The following PIAS2 variants were observed in gnomAD, a reference collection of about 807,000 sequenced individuals.
PIAS2 encodes protein inhibitor of activated STAT 2.
In PIAS2, 19 loss-of-function variants were observed where a neutral mutation model predicts 69.7. The observed-to-expected ratio is 0.27, with a 90% CI of 0.19 to 0.40. The LOEUF is 0.40. PIAS2 is among the 10% of genes least tolerant of loss of function. The pLI, the probability that PIAS2 is intolerant of heterozygous loss-of-function variation, is 1.00. For missense variants in PIAS2, 624 were observed against 757.0 expected (o/e 0.82, Z 2.06); for synonymous variants, 261 against 263.2 (o/e 0.99, Z 0.08).
rs1450323656 is a variant in PIAS2, at chr18:46,890,767, C to G, written c.312G>C (p.Leu104Phe). 1 of 1,614,000 alleles carries G rather than the reference C, an allele frequency of 6.2e-7. No homozygotes were observed. Among genetic ancestry groups the G allele is most frequent in the African/African-American group, 1.3e-5 (1 of 74,896 alleles). The change falls in exon 2 of 14, where the codon TTG (leucine) becomes TTC (phenylalanine). Residue 104 changes from leucine (L) to phenylalanine (F), a missense_variant. This residue lies in a region of PIAS2 where 339 missense variants were observed against 408.8 expected (regional missense o/e 0.83). Transcript: ENST00000585916. ...AGTGAGGTGTAACTGAAGTGGAAGG[C>G]AACGAGTGGATTCCAGCCACGGCCA... ...PDLAVAGIHSLPSTSVTPHSP... is the reference protein window; with the variant it reads ...PDLAVAGIHSFPSTSVTPHSP...
rs1234081631 is a variant in PIAS2 at position 46,821,049 on chromosome 18, GAAGATGGCT to G, written c.1523_1531del (p.Gln508_Ser511delinsPro). ...CGAAGTCACACTGGGCACCCTTACA[GAAGATGGCT>G]GATACATGAGAACCCTGTTTTAAAT... On this transcript the variant is annotated inframe_deletion, in exon 12 of 14. Transcript: ENST00000585916. 6.2e-7 allele frequency: 1 copy of G among 1,613,270 alleles called. No individual in the cohort carries two copies. The highest frequency in any genetic ancestry group is 8.5e-7 in the Non-Finnish European group (1 of 1,179,576).
chr18:46,919,744 T>G (rs1489311269), upstream of PIAS2, among the ~76,000 whole-genome samples: 6 of 152,212 alleles, frequency 3.9e-5, no homozygotes, highest in African/African-American at 1.4e-4. Context: ...TAGTTGGCCT[T>G]GTATTTGTTT....
intron 3 of PIAS2, among the ~76,000 whole-genome samples, chr18:46,856,012 T>C (rs867860516): frequency 0.025 from 3,445 of 135,490 alleles, 107 homozygotes; most frequent in African/African-American, 0.088. Context: ...TTTTTTTTTT[T>C]TTTTTTTTTT....
intron 2 of PIAS2, among the ~76,000 whole-genome samples, chr18:46,885,745 A>G (rs925904784): frequency 1.3e-5 from 2 of 152,154 alleles, no homozygotes; most frequent in African/African-American, 4.8e-5. Flanking sequence ...TCAAGGGTAG[A>G]AAGTGTATAA....
chr18:46,916,198 T>C (rs773665438), intron 1 of PIAS2, among the ~76,000 whole-genome samples: 11 of 152,154 alleles, frequency 7.2e-5, no homozygotes, highest in Non-Finnish European at 1.6e-4. Context: ...GATACGTTCT[T>C]TTGCTCACGT....
intron 2 of PIAS2, among the ~76,000 whole-genome samples, chr18:46,882,294 T>C (rs960181060): frequency 1.3e-5 from 2 of 152,138 alleles, no homozygotes; most frequent in Non-Finnish European, 2.9e-5. Flanking sequence ...TGTTCAAGAA[T>C]TTAAGGATAA....
At chr18:46,885,507 C>A (rs1332809394) in intron 2 of PIAS2, among the ~76,000 whole-genome samples, 4 of 144,106 alleles carry the variant, frequency 2.8e-5, no homozygotes, top group African/African-American at 5.2e-5. Context: ...GGTGACAGTG[C>A]AAGACTCCAT....
intron 2 of PIAS2, among the ~76,000 whole-genome samples, chr18:46,864,690 A>C (rs1167790865): frequency 6.6e-6 from 1 of 152,026 alleles, no homozygotes; most frequent in Non-Finnish European, 1.5e-5. Flanking sequence ...GAATCACTTG[A>C]ACCCAGAAGG....
chr18:46,884,170 C>G (rs574205707), intron 2 of PIAS2, among the ~76,000 whole-genome samples: 73 of 152,182 alleles, frequency 4.8e-4, no homozygotes, highest in African/African-American at 1.7e-3. Flanking sequence ...GTTCCTTTTT[C>G]AGAAAGTAGC....
chr18:46,904,157 T>C (rs528709522), intron 1 of PIAS2: 1 of 152,260 alleles, frequency 6.6e-6, no homozygotes, highest in Admixed American at 6.5e-5. Context: ...ATTGTGTTCA[T>C]GTCAATATCC....
chr18:46,919,232 ATTCCAGC>A (rs1308747705), upstream of PIAS2, among the ~76,000 whole-genome samples: 2 of 151,950 alleles, frequency 1.3e-5, no homozygotes, highest in African/African-American at 4.8e-5. Flanking sequence ...CACGCTCTAA[ATTCCAGC>A]ACTTTGGGAG....
intron 2 of PIAS2, among the ~76,000 whole-genome samples, chr18:46,882,841 G>A (rs1004551590): frequency 1.3e-5 from 2 of 152,116 alleles, no homozygotes; most frequent in Admixed American, 1.3e-4. Flanking sequence ...AAACAGAATA[G>A]TGCCCCCACT....
At chr18:46,878,289 T>C (rs1393377327) in intron 2 of PIAS2, among the ~76,000 whole-genome samples, 1 of 152,190 alleles carries the variant, frequency 6.6e-6, no homozygotes, top group African/African-American at 2.4e-5. Context: ...AACAGTAAGA[T>C]ACTATACATG....
chr18:46,816,565 C>T (rs953049993), intron 12 of PIAS2: 1 of 467,010 alleles, frequency 2.1e-6, no homozygotes, highest in East Asian at 1.5e-4. Context: ...GTAGCCTTTA[C>T]CTTCTGGCCT....
At chr18:46,845,344 A>G (rs1376434672) in intron 6 of PIAS2, among the ~76,000 whole-genome samples, 1 of 152,184 alleles carries the variant, frequency 6.6e-6, no homozygotes, top group Non-Finnish European at 1.5e-5. Context: ...TGGCAGAAGA[A>G]ACCACCTGCT....
chr18:46,816,995 A>T (rs2041628878), intron 12 of PIAS2: 1 of 926,960 alleles, frequency 1.1e-6, no homozygotes, highest in African/African-American at 1.8e-5. Flanking sequence ...CCCTTGTAAT[A>T]CCTTCAGAGT....
At chr18:46,898,542 A>G (rs921029411) in intron 1 of PIAS2, among the ~76,000 whole-genome samples, 3 of 152,226 alleles carry the variant, frequency 2.0e-5, no homozygotes, top group African/African-American at 7.2e-5. Flanking sequence ...ATTTAAACCA[A>G]TAATATTAAG....
intron 3 of PIAS2, among the ~76,000 whole-genome samples, chr18:46,858,071 A>G (rs1311664132): frequency 1.3e-5 from 2 of 152,220 alleles, no homozygotes; most frequent in African/African-American, 2.4e-5. Flanking sequence ...CTGGCCCTTG[A>G]AACATGACTC....
Position 46,846,931 on chromosome 18 carries a change from TCA to T in PIAS2, c.727-92_727-91del, listed in dbSNP as rs2046243593. 12 of 1,099,078 alleles carry T rather than the reference TCA, an allele frequency of 1.1e-5. 1 individual carries two copies. In the South Asian group the frequency reaches 3.7e-4, roughly 34 times the overall value. The allele number at this position is 1,099,078 out of a possible 1,614,324, so 68.1% of individuals were successfully genotyped here. On this transcript the variant is annotated intron_variant, in intron 5 of 13. Transcript: ENST00000585916. The stretch of plus-strand genomic sequence containing the variant: ...GATAGATACAGGATCCTGCCCAATT[TCA>T]GTTACACTATTTTTATTTTAGCCTA...
Sources: allele counts gnomAD v4.1 joint callset (sites outside exome capture counted in the v4.1 genomes callset), GRCh38; gene constraint gnomAD v4.1.1; regional missense constraint gnomAD v4.1.1; transcripts MANE v1.5; gene names NCBI Gene and HGNC (gene_info 2026-07-23, HGNC 2026-07-21).